Variants in OR51B5 observed in about 807,000 individuals in gnomAD.
OR51B5 encodes the protein olfactory receptor 51B5.
For missense variants in OR51B5, 456 were observed against 374.6 expected (o/e 1.22, Z -1.79); for synonymous variants, 186 against 144.8 (o/e 1.28, Z -2.04).
chr11:5,369,172 T>C (rs376011340), intron 1 of OR51B5, among the ~76,000 whole-genome samples: 8,360 of 152,142 alleles, frequency 0.055, 6 homozygotes, highest in South Asian at 0.09. Context: ...AGGCATTCAT[T>C]CATTTATTCA....
At chr11:5,461,799 A>G (rs907458081) in intron 1 of OR51B5, among the ~76,000 whole-genome samples, 2 of 152,060 alleles carry the variant, frequency 1.3e-5, no homozygotes, top group Admixed American at 6.5e-5. Flanking sequence ...CCCTACCAGC[A>G]CTCAGGGCCA....
intron 1 of OR51B5, among the ~76,000 whole-genome samples, chr11:5,466,322 T>A (rs1049044961): frequency 6.6e-6 from 1 of 152,222 alleles, no homozygotes; most frequent in Admixed American, 6.5e-5. Context: ...ATATATGTGA[T>A]GATATAAATG....
intron 1 of OR51B5, among the ~76,000 whole-genome samples, chr11:5,378,681 C>G (rs1202100033): frequency 6.6e-6 from 1 of 152,190 alleles, no homozygotes; most frequent in Non-Finnish European, 1.5e-5. Flanking sequence ...CAAAAGAAAA[C>G]ATTTATGCAA....
intron 1 of OR51B5, among the ~76,000 whole-genome samples, chr11:5,492,514 A>C (rs1392393689): frequency 6.6e-6 from 1 of 152,158 alleles, no homozygotes; most frequent in Non-Finnish European, 1.5e-5. Context: ...AAATTCCCAA[A>C]GAGTTGGAAC....
At chr11:5,404,149 G>A (rs1850020177) in intron 1 of OR51B5, among the ~76,000 whole-genome samples, 1 of 137,712 alleles carries the variant, frequency 7.3e-6, no homozygotes, top group Admixed American at 7.2e-5. Context: ...CTGGGTCGGG[G>A]GCGGGGGGAG....
intron 1 of OR51B5, among the ~76,000 whole-genome samples, chr11:5,443,606 C>T (rs1480403293): frequency 2.6e-5 from 4 of 151,870 alleles, no homozygotes; most frequent in Non-Finnish European, 4.4e-5. Context: ...GATAGGTTTA[C>T]CCCCGTCTGT....
intron 1 of OR51B5, among the ~76,000 whole-genome samples, chr11:5,400,859 G>A (rs571243968): frequency 3.9e-5 from 6 of 152,266 alleles, no homozygotes; most frequent in East Asian, 1.9e-4. Flanking sequence ...TAACCATTAC[G>A]GAATAGTGAG....
At chr11:5,417,406 T>C (rs371032037) in intron 1 of OR51B5, among the ~76,000 whole-genome samples, 5 of 151,868 alleles carry the variant, frequency 3.3e-5, no homozygotes, top group South Asian at 2.1e-4. Context: ...GCAATGGCAA[T>C]AAAAGCCAAA....
At chr11:5,352,246 C>T in intron 1 of OR51B5, 1 of 1,614,200 alleles carries the variant, frequency 6.2e-7, no homozygotes, top group Non-Finnish European at 8.5e-7. Flanking sequence ...CTGCTGCATC[C>T]TGGTCTTCTA....
chr11:5,436,258 CTG>C (rs925132507), intron 1 of OR51B5, among the ~76,000 whole-genome samples: 1 of 152,110 alleles, frequency 6.6e-6, no homozygotes, highest in African/African-American at 2.4e-5. Flanking sequence ...GGGTGACAGT[CTG>C]GGGTTCATGT....
At position 5,440,973 on chromosome 11, in the gene OR51B5, C is replaced by T. The variant is rs867585443; in HGVS notation, n.84+64596G>A. ...TACTTTCATGAGATCTGGATGGAGA[C>T]AGTAGGAGTGATGCAAAACATTGCC... On this transcript the variant is annotated intron_variant and non_coding_transcript_variant, in intron 1 of 4. Coordinates refer to the OR51B5 transcript ENST00000415970. 1.2e-6 allele frequency: 2 copies of T among 1,613,892 alleles called. No homozygotes were observed. Among genetic ancestry groups the T allele is most frequent in the East Asian group, 4.5e-5 (2 of 44,876 alleles).
At chr11:5,373,862 G>A (rs1369946739) in intron 1 of OR51B5, among the ~76,000 whole-genome samples, 3 of 152,154 alleles carry the variant, frequency 2.0e-5, no homozygotes, top group Non-Finnish European at 2.9e-5. Context: ...ACAGCTCAAG[G>A]AGGCCTGCCT....
chr11:5,381,934 T>C (rs1564794372), intron 1 of OR51B5, among the ~76,000 whole-genome samples: 1 of 152,234 alleles, frequency 6.6e-6, no homozygotes. Flanking sequence ...CTAAACAGTA[T>C]TGTTTATCTA....
At chr11:5,418,171 C>T (rs4910563) in intron 1 of OR51B5, among the ~76,000 whole-genome samples, 124,245 of 151,278 alleles carry the variant, frequency 0.82, 51,848 homozygotes, top group Non-Finnish European at 0.89. Flanking sequence ...AACCAAACAC[C>T]GCATATTCTC....
At chr11:5,417,788 G>A (rs1850265524) in intron 1 of OR51B5, among the ~76,000 whole-genome samples, 1 of 139,574 alleles carries the variant, frequency 7.2e-6, no homozygotes, top group Non-Finnish European at 1.6e-5. Flanking sequence ...GTGCTGGAGA[G>A]GATGTGGAGA....
At chr11:5,401,352 C>A (rs1013215237) in intron 1 of OR51B5, among the ~76,000 whole-genome samples, 9 of 152,220 alleles carry the variant, frequency 5.9e-5, no homozygotes, top group Admixed American at 1.3e-4. Context: ...AAAGTCTGCA[C>A]ACACATCCAC....
chr11:5,450,898 C>G (rs748579930), intron 1 of OR51B5, among the ~76,000 whole-genome samples: 1 of 151,932 alleles, frequency 6.6e-6, no homozygotes, highest in African/African-American at 2.4e-5. Flanking sequence ...AGGACATGAC[C>G]TGCATGCTCT....
intron 1 of OR51B5, among the ~76,000 whole-genome samples, chr11:5,410,614 A>C (rs1177459042): frequency 6.6e-6 from 1 of 152,148 alleles, no homozygotes; most frequent in East Asian, 1.9e-4. Context: ...CTACTTAGAA[A>C]AAAAAAGTTA....
intron 1 of OR51B5, among the ~76,000 whole-genome samples, chr11:5,412,934 G>A (rs963865786): frequency 6.6e-6 from 1 of 152,082 alleles, no homozygotes; most frequent in Non-Finnish European, 1.5e-5. Context: ...GCCTTGAAAA[G>A]AGCAGTGGTT....
Sources: allele counts gnomAD v4.1 joint callset (sites outside exome capture counted in the v4.1 genomes callset), GRCh38; gene constraint gnomAD v4.1.1; transcripts MANE v1.5; gene names NCBI Gene and HGNC (gene_info 2026-07-23, HGNC 2026-07-21).